ADAMTSL3: variants seen among roughly 807,000 people sequenced by gnomAD.
The protein encoded by ADAMTSL3 is ADAMTS like 3.
A neutral mutation model predicts 201.7 loss-of-function variants in ADAMTSL3; 128 were observed. The ratio of observed to expected loss-of-function variants is 0.63; its 90% confidence interval spans 0.55 to 0.73. ADAMTSL3 has a LOEUF of 0.73. ADAMTSL3 is among the 30% of genes least tolerant of loss of function. The pLI is 0.00. For missense variants in ADAMTSL3, 1,990 were observed against 2,119.6 expected, an observed-to-expected ratio of 0.94 and a Z score of 1.20; for synonymous variants, 738 against 748.4, an observed-to-expected ratio of 0.99 and a Z score of 0.23.
intron 3 of ADAMTSL3, among the ~76,000 whole-genome samples, chr15:83,752,013 A>C (rs2062644087): frequency 6.6e-6 from 1 of 152,244 alleles, no homozygotes; most frequent in African/African-American, 2.4e-5. Flanking sequence ...TACAGAATGC[A>C]ATTTATTATG....
chr15:83,673,003 C>T (rs2061347761), intron 2 of ADAMTSL3, among the ~76,000 whole-genome samples: 2 of 152,356 alleles, frequency 1.3e-5, no homozygotes, highest in South Asian at 4.1e-4. Context: ...TTATGCTGCA[C>T]CCTCTGTAAA....
At position 83,991,137 on chromosome 15, in the gene ADAMTSL3, A is replaced by G; in HGVS notation, c.3896A>G (p.Asn1299Ser). 2 of 1,614,182 alleles carry G rather than the reference A, an allele frequency of 1.2e-6. No homozygotes were observed. Among genetic ancestry groups the G allele is most frequent in the Non-Finnish European group, 8.5e-7 (1 of 1,180,024 alleles). Residue 1299 changes from asparagine to serine, a missense_variant, in exon 23 of 30, where the codon AAC becomes AGC. Asn to Ser is a conservative substitution (Grantham distance 46). Coordinates refer to ENST00000286744, the MANE Select transcript of ADAMTSL3 (RefSeq NM_207517.3). ...VERNITKPEH[N>S]HLSVVVGGIV... Reference sequence around the variant, plus strand: ...AGAAATATCACCAAACCAGAGCACAACCATCTGTCTGTTGTGGTTGGAGGC... The same window carrying G: ...AGAAATATCACCAAACCAGAGCACAGCCATCTGTCTGTTGTGGTTGGAGGC...
At position 83,858,372 on chromosome 15, in the gene ADAMTSL3, ATTTATTTATTTT is replaced by A. The variant is rs2064785093; in HGVS notation, c.728-390_728-379del. 2.0e-5 allele frequency among the ~76,000 whole-genome samples: 3 copies of A among 152,204 alleles called. No individual in the cohort carries two copies. The South Asian group carries it at 6.2e-4, about 32-fold the overall frequency. On this transcript the variant is annotated intron_variant, in intron 7 of 29. Transcript: ENST00000286744. ...TACACATAGTTTGTGATTTCCAAAG[ATTTATTTATTTT>A]TTTCTTGAGATAGAGTCTTACTCTG...
chr15:83,672,339 CA>C (rs1362990923), intron 2 of ADAMTSL3, among the ~76,000 whole-genome samples: 1 of 152,138 alleles, frequency 6.6e-6, no homozygotes, highest in East Asian at 1.9e-4. Context: ...GCTGGTGCTC[CA>C]GGGGGTCTGG....
chr15:83,719,564 A>G (rs1425861011), intron 3 of ADAMTSL3, among the ~76,000 whole-genome samples: 1 of 152,196 alleles, frequency 6.6e-6, no homozygotes, highest in Admixed American at 6.5e-5. Context: ...TATTTTATGA[A>G]TACACATAAA....
chr15:83,839,149 A>C (rs1480013000), intron 7 of ADAMTSL3, among the ~76,000 whole-genome samples: 1 of 152,164 alleles, frequency 6.6e-6, no homozygotes, highest in East Asian at 1.9e-4. Flanking sequence ...GGTGGTATTC[A>C]GTTATAAATG....
At chr15:83,749,061 C>T (rs916561895) in intron 3 of ADAMTSL3, among the ~76,000 whole-genome samples, 1 of 152,110 alleles carries the variant, frequency 6.6e-6, no homozygotes, top group Non-Finnish European at 1.5e-5. Context: ...AAAGCCTTGG[C>T]ACAGCCCACA....
At position 83,779,016 on chromosome 15, in the gene ADAMTSL3, G is replaced by A. The variant is rs370477480; in HGVS notation, c.317+5366G>A. Among the ~76,000 whole-genome samples, 41 of 152,200 alleles carry A rather than the reference G, an allele frequency of 2.7e-4. No individual in the cohort carries two copies. In the East Asian group the frequency reaches 4.4e-3, roughly 16 times the overall value. ...TTAAACCAGAAAAATTTAAAAAGACGAAGGGTATTACTTAATGGTAAAGGG... is the reference window on the plus strand; with the variant it reads ...TTAAACCAGAAAAATTTAAAAAGACAAAGGGTATTACTTAATGGTAAAGGG... On this transcript the variant is annotated intron_variant, in intron 4 of 29. Coordinates refer to ENST00000286744, the MANE Select transcript of ADAMTSL3 (RefSeq NM_207517.3).
intron 2 of ADAMTSL3, among the ~76,000 whole-genome samples, chr15:83,677,968 T>G (rs1051532048): frequency 1.6e-4 from 24 of 151,542 alleles, no homozygotes; most frequent in African/African-American, 5.8e-4. Flanking sequence ...CTCTCTCTAT[T>G]TCTCTCCCTG....
At chr15:84,013,992 G>T (rs1318360276) in intron 23 of ADAMTSL3, among the ~76,000 whole-genome samples, 1 of 152,138 alleles carries the variant, frequency 6.6e-6, no homozygotes, top group East Asian at 1.9e-4. Flanking sequence ...ACTTACTTTT[G>T]CTCCCTGAAG....
At chr15:83,847,978 G>A (rs1177052808) in intron 7 of ADAMTSL3, among the ~76,000 whole-genome samples, 1 of 150,092 alleles carries the variant, frequency 6.7e-6, no homozygotes, top group African/African-American at 2.5e-5. Context: ...CAAATTATTA[G>A]CATTAGCATG....
At chr15:83,819,501 T>C (rs2063823330) in intron 5 of ADAMTSL3, among the ~76,000 whole-genome samples, 1 of 151,940 alleles carries the variant, frequency 6.6e-6, no homozygotes, top group South Asian at 2.1e-4. Context: ...TTCAAGATGG[T>C]TAAAATAGGG....
At chr15:83,988,199 T>G (rs975443336) in intron 21 of ADAMTSL3, among the ~76,000 whole-genome samples, 3 of 152,166 alleles carry the variant, frequency 2.0e-5, no homozygotes, top group African/African-American at 7.2e-5. Flanking sequence ...CTCAATCGAC[T>G]TCTTCATACA....
At chr15:84,002,763 A>T (rs1567294834) in intron 23 of ADAMTSL3, among the ~76,000 whole-genome samples, 1 of 152,112 alleles carries the variant, frequency 6.6e-6, no homozygotes, top group Non-Finnish European at 1.5e-5. Flanking sequence ...TTATAAAAAA[A>T]ATTTTAAAGA....
rs1312791976 is a variant in ADAMTSL3, at chr15:84,037,793, G to A, written c.5063G>A (p.Cys1688Tyr). Residue 1688 changes from cysteine to tyrosine, a missense_variant, in exon 30 of 30, where the codon TGT becomes TAT. Coordinates refer to ENST00000286744, the MANE Select transcript of ADAMTSL3 (RefSeq NM_207517.3). ...TACAAACAAAGGTGCTGCCAGTCAT[G>A]TCAAGAGGGATAAACCTTTGGAGGG... The part of the protein sequence containing the change: ...DRYKQRCCQS[C>Y]QEG The A allele has an allele frequency of 9.3e-6, 15 of 1,613,272 alleles. No individual in the cohort carries two copies. The highest frequency in any genetic ancestry group is 2.7e-5 in the African/African-American group (2 of 74,838).
intron 8 of ADAMTSL3, among the ~76,000 whole-genome samples, chr15:83,861,177 G>T (rs1223464467): frequency 6.6e-6 from 1 of 151,936 alleles, no homozygotes; most frequent in Non-Finnish European, 1.5e-5. Context: ...CCACCTAGGG[G>T]TGCCTGCCTG....
intron 23 of ADAMTSL3, among the ~76,000 whole-genome samples, chr15:84,003,949 G>A (rs1308062017): frequency 6.6e-6 from 1 of 152,126 alleles, no homozygotes; most frequent in Non-Finnish European, 1.5e-5. Context: ...AGGGAATTTT[G>A]TTGGAATTCA....
chr15:83,963,078 C>T lies in ADAMTSL3; in HGVS notation c.2491-7406C>T, dbSNP rs570425669. On this transcript the variant is annotated intron_variant, in intron 19 of 29. Transcript: ENST00000286744. ...CACCAGGGCCCATGGGTTTCAAGCA[C>T]GAAACTGGACAGCCATTTGGGCAGA... Among the ~76,000 whole-genome samples the T allele has an allele frequency of 6.1e-4, 93 of 152,280 alleles. No individual in the cohort carries two copies. In the Middle Eastern group the frequency reaches 0.014, roughly 22 times the overall value.
chr15:83,999,878 C>T (rs2067759834), intron 23 of ADAMTSL3, among the ~76,000 whole-genome samples: 1 of 152,064 alleles, frequency 6.6e-6, no homozygotes, highest in Admixed American at 6.5e-5. Flanking sequence ...AACAATTACC[C>T]TTTCAGGGGA....
Sources: allele counts gnomAD v4.1 joint callset (sites outside exome capture counted in the v4.1 genomes callset), GRCh38; gene constraint gnomAD v4.1.1; transcripts MANE v1.5; gene names NCBI Gene and HGNC (gene_info 2026-07-23, HGNC 2026-07-21).